The following SART1 variants were observed in gnomAD, a reference collection of about 807,000 sequenced individuals.
SART1 encodes U4/U6.U5 tri-snRNP-associated protein 1.
In SART1, 28 loss-of-function variants were observed where a neutral mutation model predicts 105.0. That is an observed-to-expected ratio of 0.27 (90% CI 0.20 to 0.37). SART1 has a LOEUF of 0.37. Ranked by LOEUF, SART1 falls within the 10% of genes least tolerant of loss-of-function variation. The pLI is 1.00. For synonymous variants in SART1, 472 were observed against 462.9 expected, an observed-to-expected ratio of 1.02 and a Z score of -0.25; for missense variants, 894 against 1,106.5, an observed-to-expected ratio of 0.81 and a Z score of 2.72.
Position 65,966,173 on chromosome 11 carries a change from C to T in SART1, c.936C>T (p.Asp312=). ...TGGAGCTGCGGAAGAAGAAGCCTGA[C>T]TACCTGCCCTATGCCGAGGACGAGA... ...KNVELRKKKP[D]YLPYAEDESV... is the part of the protein sequence containing the mutation. The change falls in exon 8 of 20, where the codon GAC becomes GAT. Residue 312 remains aspartate, a synonymous_variant. Coordinates refer to ENST00000312397, the MANE Select transcript of SART1 (RefSeq NM_005146.5). The T allele has an allele frequency of 1.2e-6, 2 of 1,614,072 alleles. No individual in the cohort carries two copies. Among genetic ancestry groups the T allele is most frequent in the Admixed American group, 1.7e-5 (1 of 60,026 alleles).
chr11:65,978,205 G>A lies in SART1; in HGVS notation c.2172+306G>A, dbSNP rs1855523049. On this transcript the variant is annotated intron_variant, in intron 17 of 19. Transcript: ENST00000312397. This position sits in a 1 kb window ranked among gnomAD's most constrained non-coding sequence, Gnocchi z 6.8. The stretch of plus-strand genomic sequence containing the variant: ...CTTCACTGGCTTTCCTGGCCCGCAG[G>A]GCCATTCCAGCGTCCAGGCCCTTCC... The A allele has an allele frequency of 2.0e-6, 1 of 507,392 alleles. No homozygotes were observed. The highest frequency in any genetic ancestry group is 3.6e-6 in the Non-Finnish European group (1 of 280,530). 31.4% of individuals were successfully genotyped at this position (507,392 alleles called of 1,614,324 possible). A position where few individuals can be genotyped will look rare whatever the true frequency, so the allele number is the denominator to read the frequency against.
intron 3 of SART1, 136 bp downstream of exon 3, chr11:65,964,706 C>A: frequency 1.2e-6 from 1 of 861,686 alleles, no homozygotes; most frequent in South Asian, 1.9e-5. Context: ...GGCATGAGGT[C>A]CCTCCTTGCT....
chr11:65,970,313 A>G (rs1040945066), intron 12 of SART1, among the ~76,000 whole-genome samples: 3 of 152,138 alleles, frequency 2.0e-5, no homozygotes, highest in Admixed American at 6.6e-5. Flanking sequence ...GCATGCCAAC[A>G]TTTTCCAGTT....
rs751916630 is a variant in SART1 at position 65,964,117 on chromosome 11, C to G, written c.357C>G (p.Ser119Arg). The G allele has an allele frequency of 6.2e-7, 1 of 1,612,908 alleles. No homozygotes were observed. The highest frequency in any genetic ancestry group is 1.7e-5 in the Admixed American group (1 of 59,998). ...GCTCAGGCGATGCCTCCTCACTCAG[C>G]ATCGAGGAGACTAAGTGAGTACTGT... The part of the protein sequence containing the change: ...KTSSGDASSL[S>R]IEETNKLRAK... Residue 119 changes from serine (S) to arginine (R), a missense_variant, in exon 2 of 20, where the codon AGC (serine) becomes AGG (arginine). Physicochemically the swap from Ser to Arg is moderately radical, Grantham distance 110. Coordinates refer to ENST00000312397, the MANE Select transcript of SART1 (RefSeq NM_005146.5).
In SART1 at chr11:65,965,384, C is replaced by A; in HGVS notation, c.597C>A (p.Asp199Glu). ...TLGEDDPWLD[D>E]TAAWIERSRQ... ...GAGAGGATGACCCCTGGCTGGACGA[C>A]ACTGCAGCCTGGATCGAGAGGAGCC... Residue 199 changes from aspartate to glutamate, a missense_variant, in exon 5 of 20, where the codon GAC becomes GAA. Coordinates refer to ENST00000312397, the MANE Select transcript of SART1 (RefSeq NM_005146.5). 6.3e-7 allele frequency: 1 copy of A among 1,585,006 alleles called. No homozygotes were observed. Among genetic ancestry groups the A allele is most frequent in the Admixed American group, 1.8e-5 (1 of 55,672 alleles).
chr11:65,963,471 G>T (rs1218332706), intron 1 of SART1, among the ~76,000 whole-genome samples: 1 of 148,820 alleles, frequency 6.7e-6, no homozygotes, highest in Non-Finnish European at 1.5e-5. Flanking sequence ...GAAAGGAAGA[G>T]TTTTTTTTTT....
At chr11:65,973,290 A>C (rs994842174) in intron 12 of SART1, among the ~76,000 whole-genome samples, 1 of 152,174 alleles carries the variant, frequency 6.6e-6, no homozygotes, top group Non-Finnish European at 1.5e-5. Flanking sequence ...ATATACCACC[A>C]AGAATGGGTT....
At chr11:65,977,983 A>C in intron 17 of SART1, 84 bp downstream of exon 17, 1 of 1,438,626 alleles carries the variant, frequency 7.0e-7, no homozygotes, top group Non-Finnish European at 9.5e-7. Flanking sequence ...GGGCCATGCA[A>C]TGCCCCAGGG....
In SART1 at chr11:65,967,778, G is replaced by C. The variant is rs376324863; in HGVS notation, c.1529G>C (p.Arg510Pro). 1 of 1,549,502 alleles carries C rather than the reference G, an allele frequency of 6.5e-7. No homozygotes were observed. The highest frequency in any genetic ancestry group is 8.7e-7 in the Non-Finnish European group (1 of 1,147,018). The change falls in exon 12 of 20, where the codon CGA (arginine) becomes CCA (proline). Residue 510 changes from arginine (R) to proline (P), a missense_variant. Arg to Pro is a moderately radical substitution (Grantham distance 103). Transcript: ENST00000312397. Reference protein sequence around the residue: ...QKQLEKGRRLRQLQQLQQLRD... With the variant: ...QKQLEKGRRLPQLQQLQQLRD... Reference sequence around the variant, plus strand: ...CAGCTGGAGAAGGGACGCCGGCTGCGACAGTTACAGCAGCTACAGCAGCTG... The same window carrying C: ...CAGCTGGAGAAGGGACGCCGGCTGCCACAGTTACAGCAGCTACAGCAGCTG...
In SART1 at chr11:65,976,247, G is replaced by A. The variant is rs1311008641; in HGVS notation, c.1573-148G>A. 2 of 712,746 alleles carry A rather than the reference G, an allele frequency of 2.8e-6. No individual in the cohort carries two copies. The highest frequency in any genetic ancestry group is 2.0e-5 in the South Asian group (1 of 49,528). The allele number at this position is 712,746 out of a possible 1,614,324, so 44.2% of individuals were successfully genotyped here. A position where few individuals can be genotyped will look rare whatever the true frequency, so the allele number is the denominator to read the frequency against. ...GACCCCAGTGAAAGAGGTGCAGAGT[G>A]GAGTTAGGCGGCAGATAGCAGCTGG... On this transcript the variant is annotated intron_variant, in intron 12 of 19. Transcript: ENST00000312397. This position sits in a 1 kb window ranked among gnomAD's most constrained non-coding sequence, Gnocchi z 5.1.
rs774756783 is a variant in SART1, at chr11:65,977,642, C to T, written c.2025C>T (p.Ile675=). Reference sequence around the variant, plus strand: ...CGCTGCCCTCAGCCGTGTACTGCATCGAGGATAAGATGTGAGTGTGGTGGG... The same window carrying T: ...CGCTGCCCTCAGCCGTGTACTGCATTGAGGATAAGATGTGAGTGTGGTGGG... ...NKSLPSAVYC[I]EDKMAIDDKY... The change falls in exon 16 of 20, where the codon ATC becomes ATT. Residue 675 remains isoleucine, a synonymous_variant. Transcript: ENST00000312397. 22 of 1,613,880 alleles carry T rather than the reference C, an allele frequency of 1.4e-5. No individual in the cohort carries two copies. The Admixed American group carries it at 2.0e-4, about 15-fold the overall frequency.
intron 1 of SART1, among the ~76,000 whole-genome samples, chr11:65,962,528 G>C (rs957549576): frequency 6.6e-6 from 1 of 152,154 alleles, no homozygotes; most frequent in Non-Finnish European, 1.5e-5. Context: ...ATCGTGTAGG[G>C]CGCATGGTAG....
At position 65,977,776 on chromosome 11, in the gene SART1, C is replaced by T. The variant is rs370488726; in HGVS notation, c.2049C>T (p.Asp683=). The T allele has an allele frequency of 5.9e-5, 96 of 1,613,992 alleles. No homozygotes were observed. The South Asian group carries it at 1.0e-3, about 17-fold the overall frequency. The change falls in exon 17 of 20, where the codon GAC becomes GAT. Residue 683 remains aspartate (D), a synonymous_variant. Transcript: ENST00000312397. ...TGTCTCGGGCCAGGGCCATCGATGA[C>T]AAGTACAGCCGGAGGGAGGAATACC... is the stretch of plus-strand genomic sequence containing the variant. The part of the protein sequence containing the change: ...YCIEDKMAID[D]KYSRREEYRG...
chr11:65,963,836 G>A (rs974743532), intron 1 of SART1, among the ~76,000 whole-genome samples: 1 of 152,224 alleles, frequency 6.6e-6, no homozygotes, highest in African/African-American at 2.4e-5. Flanking sequence ...GGTGACTACA[G>A]CAGTTTGGAT....
At chr11:65,977,424 T>TCA in intron 15 of SART1, 139 bp from the exon 16 acceptor site, 1 of 711,186 alleles carries the variant, frequency 1.4e-6, no homozygotes, top group Non-Finnish European at 2.4e-6. Context: ...CATCTTTGCT[T>TCA]TGCCTGTAGA....
rs1855539665 is a variant in SART1 at position 65,979,065 on chromosome 11, C to A, written c.*35C>A. On this transcript the variant is annotated 3_prime_UTR_variant, in exon 20 of 20. Transcript: ENST00000312397. Reference sequence around the variant, plus strand: ...CCCGCCCCGGCCCTGCCTCAACCTTCATATTAAATAAAGCTCCCTCCTTAT... The same window carrying A: ...CCCGCCCCGGCCCTGCCTCAACCTTAATATTAAATAAAGCTCCCTCCTTAT... 1.9e-6 allele frequency: 3 copies of A among 1,613,728 alleles called. No individual in the cohort carries two copies. The highest frequency in any genetic ancestry group is 2.7e-5 in the African/African-American group (2 of 74,906).
intron 12 of SART1, among the ~76,000 whole-genome samples, chr11:65,975,550 G>C (rs1020930320): frequency 1.3e-5 from 2 of 151,344 alleles, no homozygotes; most frequent in African/African-American, 4.9e-5. Flanking sequence ...GGGACTATGG[G>C]CGTGTGTGAC....
intron 12 of SART1, among the ~76,000 whole-genome samples, chr11:65,970,418 A>C (rs1408329020): frequency 6.6e-6 from 1 of 152,178 alleles, no homozygotes; most frequent in African/African-American, 2.4e-5. Flanking sequence ...CGGAGATTCT[A>C]GAGTATGTGG....
At chr11:65,970,233 G>A (rs1217920435) in intron 12 of SART1, among the ~76,000 whole-genome samples, 5 of 152,078 alleles carry the variant, frequency 3.3e-5, no homozygotes, top group Admixed American at 6.6e-5. Flanking sequence ...GGCATCTGGC[G>A]AAATCAGGGC....
Sources: allele counts gnomAD v4.1 joint callset (sites outside exome capture counted in the v4.1 genomes callset), GRCh38; gene constraint gnomAD v4.1.1; non-coding constraint Gnocchi (gnomAD v3.1); transcripts MANE v1.5; gene names NCBI Gene and HGNC (gene_info 2026-07-23, HGNC 2026-07-21).